Variants in HMGCLL1 observed in about 807,000 individuals in gnomAD.
HMGCLL1 encodes the protein 3-hydroxy-3-methylglutaryl-CoA lyase like 1.
Under a neutral mutation model 39.1 loss-of-function variants are expected in HMGCLL1, and 36 were observed. The ratio of observed to expected loss-of-function variants is 0.92; its 90% CI spans 0.71 to 1.22. The LOEUF (loss-of-function observed/expected upper bound fraction) is 1.22, where lower values mean the gene tolerates loss of function less well. Among genes scored for constraint, HMGCLL1 ranks in the 50% most tolerant of loss-of-function variants. The pLI is 0.00. For synonymous variants in HMGCLL1, 149 were observed against 144.0 expected (o/e 1.03, Z -0.25); for missense variants, 451 against 416.5 (o/e 1.08, Z -0.72).
intron 5 of HMGCLL1, among the ~76,000 whole-genome samples, chr6:55,501,450 T>A (rs1766883997): frequency 6.6e-6 from 1 of 151,888 alleles, no homozygotes; most frequent in Non-Finnish European, 1.5e-5. Context: ...TGTCTGGAAC[T>A]TTACAGAAAA....
intron 7 of HMGCLL1, among the ~76,000 whole-genome samples, chr6:55,494,618 G>T (rs2127422961): frequency 6.6e-6 from 1 of 152,226 alleles, no homozygotes; most frequent in East Asian, 1.9e-4. Flanking sequence ...CCAAGCAACT[G>T]TATACTTTAG....
At chr6:55,489,941 T>C (rs1033518512) in intron 7 of HMGCLL1, among the ~76,000 whole-genome samples, 1 of 152,108 alleles carries the variant, frequency 6.6e-6, no homozygotes, top group Non-Finnish European at 1.5e-5. Context: ...ATTCTGTAGA[T>C]AATGGAAAAG....
At chr6:55,627,049 GAAA>G in the HMGCLL1 span, among the ~76,000 whole-genome samples, 51 of 85,812 alleles carry the variant, frequency 5.9e-4, no homozygotes, top group Admixed American at 1.4e-3. Context: ...CACTCCACCA[GAAA>G]AAAAAAAAAA....
chr6:55,648,268 C>T, the HMGCLL1 span, among the ~76,000 whole-genome samples: 1 of 151,462 alleles, frequency 6.6e-6, no homozygotes. Flanking sequence ...GATTTATACT[C>T]ATTTGGGTAT....
chr6:55,445,653 C>T (rs1763795120), intron 7 of HMGCLL1, among the ~76,000 whole-genome samples: 1 of 136,190 alleles, frequency 7.3e-6, no homozygotes. Context: ...TTCTGGTGTG[C>T]ATGCATGTGT....
chr6:55,605,133 T>C, the HMGCLL1 span, among the ~76,000 whole-genome samples: 2 of 152,188 alleles, frequency 1.3e-5, no homozygotes, highest in African/African-American at 4.8e-5. Context: ...ACTGCCTCAG[T>C]GCAGAGAGCA....
At position 55,439,555 on chromosome 6, in the gene HMGCLL1, C is replaced by G; in HGVS notation, c.800G>C (p.Gly267Ala). 1 of 1,611,830 alleles carries G rather than the reference C, an allele frequency of 6.2e-7. No homozygotes were observed. Residue 267 changes from glycine to alanine, a missense_variant, in exon 8 of 9, where the codon GGA becomes GCA. Coordinates refer to ENST00000274901, the MANE Select transcript of HMGCLL1 (RefSeq NM_001042406.2). ...LANILTALQM[G>A]INVVDSAVSG... ...TACTGCGGAGTCCACCACATTAATT[C>G]CCATCTGGAAAACAAACCAAACCAC... is the stretch of plus-strand genomic sequence containing the variant.
intron 5 of HMGCLL1, chr6:55,512,678 T>C (rs1767526063): frequency 2.0e-5 from 3 of 152,152 alleles, no homozygotes; most frequent in South Asian, 2.1e-4. Context: ...AACACCTTGA[T>C]TGAAATTCCA....
chr6:55,672,435 G>A, the HMGCLL1 span, among the ~76,000 whole-genome samples: 5 of 151,570 alleles, frequency 3.3e-5, no homozygotes, highest in South Asian at 4.2e-4. Flanking sequence ...ATCCTTCACC[G>A]TTTATAGCTA....
the HMGCLL1 span, among the ~76,000 whole-genome samples, chr6:55,637,955 T>C: frequency 1.3e-5 from 2 of 152,108 alleles, no homozygotes; most frequent in Non-Finnish European, 2.9e-5. Context: ...ATTTGTATTA[T>C]CCATATTACT....
At chr6:55,608,771 C>A in the HMGCLL1 span, among the ~76,000 whole-genome samples, 1 of 152,192 alleles carries the variant, frequency 6.6e-6, no homozygotes, top group African/African-American at 2.4e-5. Flanking sequence ...TTGAAAAGCA[C>A]GAATACTGGG....
Position 55,516,427 on chromosome 6 carries a change from T to C in HMGCLL1, c.393+81A>G. 7 of 859,146 alleles carry C rather than the reference T, an allele frequency of 8.1e-6. No individual in the cohort carries two copies. In the South Asian group the frequency reaches 1.1e-4, roughly 13 times the overall value. 53.2% of individuals were successfully genotyped at this position (859,146 alleles called of 1,614,324 possible). A position where few individuals can be genotyped will look rare whatever the true frequency, so the allele number is the denominator to read the frequency against. On this transcript the variant is annotated intron_variant, in intron 4 of 8. Coordinates refer to ENST00000274901, the MANE Select transcript of HMGCLL1 (RefSeq NM_001042406.2). The stretch of plus-strand genomic sequence containing the variant: ...GTATTTGTATTACAGATGAGTTACA[T>C]ATGACACAATTTTAACTTTGTAAAT...
chr6:55,630,561 C>T, the HMGCLL1 span, among the ~76,000 whole-genome samples: 5 of 151,796 alleles, frequency 3.3e-5, no homozygotes, highest in African/African-American at 9.7e-5. Context: ...TTGGGAGGGG[C>T]CAGGGGTGAA....
intron 7 of HMGCLL1, among the ~76,000 whole-genome samples, chr6:55,441,302 C>T (rs562313498): frequency 5.9e-5 from 9 of 151,990 alleles, no homozygotes; most frequent in South Asian, 2.1e-4. Context: ...CTAATCAGAT[C>T]GGGCATTTGG....
the HMGCLL1 span, among the ~76,000 whole-genome samples, chr6:55,621,852 CT>C: frequency 6.6e-6 from 1 of 152,012 alleles, no homozygotes; most frequent in Non-Finnish European, 1.5e-5. Context: ...AGCTGTCTGT[CT>C]GTTATACATG....
At chr6:55,671,798 T>C in the HMGCLL1 span, among the ~76,000 whole-genome samples, 1 of 151,786 alleles carries the variant, frequency 6.6e-6, no homozygotes, top group Non-Finnish European at 1.5e-5. Flanking sequence ...TTCTTCTGGT[T>C]GATATAGTCC....
At chr6:55,628,526 A>T in the HMGCLL1 span, among the ~76,000 whole-genome samples, 4 of 151,698 alleles carry the variant, frequency 2.6e-5, no homozygotes, top group African/African-American at 9.7e-5. Context: ...CTGGTCTTGA[A>T]CACCTGATCT....
At chr6:55,521,471 C>G (rs544253704) in intron 3 of HMGCLL1, among the ~76,000 whole-genome samples, 1 of 152,166 alleles carries the variant, frequency 6.6e-6, no homozygotes, top group South Asian at 2.1e-4. Context: ...CTATTGGCAT[C>G]ATTTTTCCAA....
intron 1 of HMGCLL1, among the ~76,000 whole-genome samples, chr6:55,554,389 G>A (rs1770536253): frequency 6.6e-6 from 1 of 151,976 alleles, no homozygotes; most frequent in East Asian, 1.9e-4. Context: ...AGAATATGGA[G>A]CTGGCAGATG....
Sources: allele counts gnomAD v4.1 joint callset (sites outside exome capture counted in the v4.1 genomes callset), GRCh38; gene constraint gnomAD v4.1.1; transcripts MANE v1.5; gene names NCBI Gene and HGNC (gene_info 2026-07-23, HGNC 2026-07-21).